The following RARB variants were observed in gnomAD, a reference collection of about 807,000 sequenced individuals.
RARB encodes retinoic acid receptor beta, also known as HBV-activated protein.
Under a neutral mutation model 51.9 loss-of-function variants are expected in RARB, and 17 were observed. The observed-to-expected ratio is 0.33, with a 90% CI of 0.22 to 0.49. The LOEUF (loss-of-function observed/expected upper bound fraction) is 0.49. Ranked by LOEUF, RARB falls within the 20% of genes least tolerant of loss-of-function variation. The pLI is 0.99. For synonymous variants in RARB, 215 were observed against 195.4 expected (o/e 1.10, Z -0.84); for missense variants, 369 against 550.8 (o/e 0.67, Z 3.30).
intron 5 of RARB, among the ~76,000 whole-genome samples, chr3:25,179,601 A>G (rs1172156640): frequency 2.6e-5 from 4 of 152,228 alleles, no homozygotes; most frequent in Non-Finnish European, 5.9e-5. Flanking sequence ...AAACTCAGTT[A>G]TAACAGTTTT....
intron 3 of RARB, among the ~76,000 whole-genome samples, chr3:25,117,606 G>A (rs1159794235): frequency 6.6e-6 from 1 of 152,142 alleles, no homozygotes; most frequent in Non-Finnish European, 1.5e-5. Flanking sequence ...GAGGAAACAG[G>A]TGAATTATTT....
intron 3 of RARB, among the ~76,000 whole-genome samples, chr3:25,127,157 T>C (rs558713094): frequency 6.6e-6 from 1 of 152,282 alleles, no homozygotes; most frequent in East Asian, 1.9e-4. Context: ...AACTGAACTA[T>C]GTCACACTCT....
intron 1 of RARB, among the ~76,000 whole-genome samples, chr3:24,857,833 G>A (rs9880940): frequency 9.5e-4 from 145 of 152,296 alleles, no homozygotes; most frequent in African/African-American, 3.4e-3. Context: ...GGCTGAGATG[G>A]AAGGATAGCC....
At chr3:24,861,190 T>C (rs1380948605) in intron 2 of RARB, among the ~76,000 whole-genome samples, 1 of 152,176 alleles carries the variant, frequency 6.6e-6, no homozygotes, top group Admixed American at 6.5e-5. Flanking sequence ...AATAGTATAG[T>C]ATAACTACTA....
At chr3:25,570,698 T>C (rs1378955450) in intron 4 of RARB, among the ~76,000 whole-genome samples, 1 of 152,240 alleles carries the variant, frequency 6.6e-6, no homozygotes, top group Non-Finnish European at 1.5e-5. Context: ...TTATGTTCAC[T>C]GATGTATATT....
chr3:24,881,725 T>C (rs1488600553), intron 2 of RARB, among the ~76,000 whole-genome samples: 1 of 152,084 alleles, frequency 6.6e-6, no homozygotes, highest in Admixed American at 6.6e-5. Context: ...AATGTCAAAA[T>C]AAGAGCACAA....
intron 2 of RARB, among the ~76,000 whole-genome samples, chr3:25,014,133 G>A (rs141266474): frequency 1.1e-4 from 17 of 152,110 alleles, no homozygotes; most frequent in African/African-American, 4.1e-4. Flanking sequence ...GTATAACTGA[G>A]GCCATTTTGT....
At chr3:25,187,492 A>G (rs1226032158) in intron 5 of RARB, among the ~76,000 whole-genome samples, 1 of 152,122 alleles carries the variant, frequency 6.6e-6, no homozygotes, top group Non-Finnish European at 1.5e-5. Context: ...TTTATAGCTT[A>G]TTAAACGTAC....
chr3:25,169,057 T>TA (rs921834833), intron 4 of RARB, among the ~76,000 whole-genome samples: 7 of 152,072 alleles, frequency 4.6e-5, no homozygotes, highest in Admixed American at 1.3e-4. Flanking sequence ...AAACTCTGTT[T>TA]AAAAAAATGA....
At chr3:24,863,833 C>A (rs1198473717) in intron 2 of RARB, among the ~76,000 whole-genome samples, 1 of 151,636 alleles carries the variant, frequency 6.6e-6, no homozygotes, top group Admixed American at 6.6e-5. Flanking sequence ...TGAAAATAAG[C>A]TGAACTTCTT....
At chr3:24,985,188 C>G (rs985103412) in intron 2 of RARB, among the ~76,000 whole-genome samples, 10 of 152,126 alleles carry the variant, frequency 6.6e-5, no homozygotes, top group African/African-American at 2.4e-4. Context: ...TACTCGTTCA[C>G]ATACTAACTT....
chr3:25,393,898 G>T (rs1707042354), intron 5 of RARB, among the ~76,000 whole-genome samples: 1 of 151,506 alleles, frequency 6.6e-6, no homozygotes, highest in Non-Finnish European at 1.5e-5. Context: ...TTTTTTTGTT[G>T]TTTCAATTTC....
intron 3 of RARB, among the ~76,000 whole-genome samples, chr3:25,517,712 A>G (rs1317181963): frequency 6.6e-6 from 1 of 152,248 alleles, no homozygotes; most frequent in African/African-American, 2.4e-5. Flanking sequence ...TAGAAGCATT[A>G]TTCATAATAG....
chr3:25,420,787 T>G (rs1273394240), intron 5 of RARB, among the ~76,000 whole-genome samples: 1 of 151,974 alleles, frequency 6.6e-6, no homozygotes, highest in African/African-American at 2.4e-5. Context: ...GTGGATGGAT[T>G]GGTGGATGGA....
chr3:25,489,130 G>A (rs1324411386), intron 2 of RARB, among the ~76,000 whole-genome samples: 1 of 152,216 alleles, frequency 6.6e-6, no homozygotes, highest in South Asian at 2.1e-4. Flanking sequence ...ATAGCATGGT[G>A]CTTAGGTGGA....
chr3:25,114,052 T>C (rs755443839), intron 3 of RARB, among the ~76,000 whole-genome samples: 5 of 152,202 alleles, frequency 3.3e-5, no homozygotes, highest in Non-Finnish European at 7.3e-5. Flanking sequence ...CCTACACACC[T>C]GCTTAACTGG....
intron 5 of RARB, among the ~76,000 whole-genome samples, chr3:25,208,022 G>C (rs73147383): frequency 6.7e-6 from 1 of 149,942 alleles, no homozygotes; most frequent in African/African-American, 2.5e-5. Context: ...GAGAGGGCAA[G>C]GGGGGGAGCA....
At chr3:25,178,046 TG>T (rs1700790762) in intron 5 of RARB, among the ~76,000 whole-genome samples, 1 of 151,654 alleles carries the variant, frequency 6.6e-6, no homozygotes, top group East Asian at 1.9e-4. Context: ...TTACAGGGGG[TG>T]GGCCCTGTTC....
At chr3:25,514,799 G>T (rs894299019) in intron 3 of RARB, among the ~76,000 whole-genome samples, 5 of 152,182 alleles carry the variant, frequency 3.3e-5, no homozygotes, top group Non-Finnish European at 7.3e-5. Flanking sequence ...AGTAAACTCT[G>T]TGGACTCAAG....
Sources: allele counts gnomAD v4.1 joint callset (sites outside exome capture counted in the v4.1 genomes callset), GRCh38; gene constraint gnomAD v4.1.1; transcripts MANE v1.5; gene names NCBI Gene and HGNC (gene_info 2026-07-23, HGNC 2026-07-21).